TPGS2: variants seen among roughly 807,000 people sequenced by gnomAD.
The protein encoded by TPGS2 is polyglutamylase subunit 2.
In TPGS2, 26 loss-of-function variants were observed where a neutral mutation model predicts 31.1. That is an observed-to-expected ratio of 0.84 (90% confidence interval 0.61 to 1.16). TPGS2 has a LOEUF of 1.16. Among genes scored for constraint, TPGS2 ranks in the 50% most tolerant of loss-of-function variants. TPGS2 has a pLI of 0.00. For missense variants in TPGS2, 351 were observed against 363.8 expected (o/e 0.96, Z 0.29); for synonymous variants, 130 against 136.6 (o/e 0.95, Z 0.34).
At chr18:36,825,298 G>C (rs1273387250) in intron 1 of TPGS2, among the ~76,000 whole-genome samples, 2 of 152,014 alleles carry the variant, frequency 1.3e-5, no homozygotes, top group Non-Finnish European at 2.9e-5. Context: ...CAGGCGTGGT[G>C]GTGGGCGCCT....
chr18:36,820,829 T>C (rs776731811), intron 1 of TPGS2: 5 of 152,222 alleles, frequency 3.3e-5, no homozygotes, highest in Non-Finnish European at 5.9e-5. Flanking sequence ...TCTTGGCCTA[T>C]CAAGATGCCA....
intron 1 of TPGS2, 101 bp downstream of exon 1, chr18:36,828,582 T>C: frequency 7.6e-7 from 1 of 1,321,796 alleles, no homozygotes; most frequent in African/African-American, 1.4e-5. Context: ...TGTCCACTCC[T>C]GTTCTGGGGC....
chr18:36,821,404 A>G (rs747226685), intron 1 of TPGS2, among the ~76,000 whole-genome samples: 27 of 152,180 alleles, frequency 1.8e-4, no homozygotes, highest in Non-Finnish European at 2.9e-5. Context: ...AATCCACAGA[A>G]CTGGGAGAGA....
intron 6 of TPGS2, among the ~76,000 whole-genome samples, chr18:36,785,169 T>G (rs1356005288): frequency 6.6e-6 from 1 of 152,056 alleles, no homozygotes; most frequent in Non-Finnish European, 1.5e-5. Context: ...CGTGGTGGCA[T>G]GCACCTGTAA....
At position 36,800,217 on chromosome 18, in the gene TPGS2, G is replaced by A. The variant is rs761209946; in HGVS notation, c.477C>T (p.Val159=). ...SCNGSGKVCL[V]YKSGKPALAE... ...TCTTACCTGGTTTCCCACTTTTGTAGACAAGGCAAACTTTCCCACTGCCAT... is the reference window on the plus strand; with the variant it reads ...TCTTACCTGGTTTCCCACTTTTGTAAACAAGGCAAACTTTCCCACTGCCAT... Residue 159 remains valine (V), a synonymous_variant, in exon 5 of 7, where the codon GTC becomes GTT. Coordinates refer to ENST00000334295, the MANE Select transcript of TPGS2 (RefSeq NM_015476.4). 6 of 1,614,074 alleles carry A rather than the reference G, an allele frequency of 3.7e-6. No individual in the cohort carries two copies. The highest frequency in any genetic ancestry group is 5.1e-6 in the Non-Finnish European group (6 of 1,179,962).
intron 2 of TPGS2, among the ~76,000 whole-genome samples, chr18:36,811,236 T>C (rs930023089): frequency 6.6e-6 from 1 of 152,150 alleles, no homozygotes; most frequent in African/African-American, 2.4e-5. Context: ...TGTGGAGGGA[T>C]GGTGTGAGAT....
At position 36,796,121 on chromosome 18, in the gene TPGS2, G is replaced by A. The variant is rs1257205227; in HGVS notation, c.*684C>T. The stretch of plus-strand genomic sequence containing the variant: ...AAGCTGCAAAAGAAATGAGCAGAGC[G>A]AGATATTTGTGGTAAGGGATACAAA... On this transcript the variant is annotated 3_prime_UTR_variant, in exon 7 of 7. Transcript: ENST00000334295. 7.1e-6 allele frequency: 7 copies of A among 985,294 alleles called. No individual in the cohort carries two copies. In the East Asian group the frequency reaches 7.9e-4, roughly 112 times the overall value. The allele number at this position is 985,294 out of a possible 1,614,324, so 61.0% of individuals were successfully genotyped here.
At chr18:36,823,702 T>C (rs1265106) in intron 1 of TPGS2, 103,797 of 294,756 alleles carry the variant, frequency 0.35, 20,367 homozygotes, top group African/African-American at 0.61. Flanking sequence ...CCTCGTGATC[T>C]GCCCGCCTCG....
chr18:36,787,268 T>C (rs895454800), intron 6 of TPGS2, among the ~76,000 whole-genome samples: 1 of 152,236 alleles, frequency 6.6e-6, no homozygotes, highest in African/African-American at 2.4e-5. Context: ...GACTATTCAG[T>C]TGGCCCAGCT....
chr18:36,804,893 C>T (rs1229927672), intron 4 of TPGS2, among the ~76,000 whole-genome samples: 1 of 152,128 alleles, frequency 6.6e-6, no homozygotes, highest in African/African-American at 2.4e-5. Flanking sequence ...TTTTTCCTGA[C>T]AGGAAAAGCC....
intron 6 of TPGS2, chr18:36,787,184 G>C: frequency 8.5e-7 from 1 of 1,175,632 alleles, no homozygotes; most frequent in South Asian, 4.5e-5. Context: ...TGAGCCACAA[G>C]GTAATAGGGG....
At chr18:36,797,487 C>T (rs2044587927) in intron 6 of TPGS2, among the ~76,000 whole-genome samples, 1 of 149,216 alleles carries the variant, frequency 6.7e-6, no homozygotes, top group Non-Finnish European at 1.5e-5. Context: ...CTGAGGGATG[C>T]TGTATCTTGT....
chr18:36,802,269 G>A (rs1568008053), intron 4 of TPGS2, among the ~76,000 whole-genome samples: 1 of 152,174 alleles, frequency 6.6e-6, no homozygotes, highest in South Asian at 2.1e-4. Context: ...TGCTGACTGA[G>A]GTCTGCCCTC....
intron 6 of TPGS2, among the ~76,000 whole-genome samples, chr18:36,787,686 C>T (rs114244897): frequency 7.7e-4 from 118 of 152,300 alleles, no homozygotes; most frequent in African/African-American, 2.8e-3. Context: ...ACTCAGCACA[C>T]AGCAGCAGGT....
At chr18:36,812,975 T>G (rs1273843061) in intron 2 of TPGS2, among the ~76,000 whole-genome samples, 1 of 152,184 alleles carries the variant, frequency 6.6e-6, no homozygotes, top group Non-Finnish European at 1.5e-5. Flanking sequence ...CAGTGTGTGT[T>G]TTTTCTACTC....
At chr18:36,821,134 A>G (rs1040123444) in intron 1 of TPGS2, 1 of 152,184 alleles carries the variant, frequency 6.6e-6, no homozygotes, top group South Asian at 2.1e-4. Context: ...CTTGCCCTAT[A>G]AAATATTGTG....
rs116756298 is a variant in TPGS2, at chr18:36,785,334, A to C, written c.658-2203T>G. ...TCCTGAACGCTGAAAATTTTGTTCA[A>C]GGTTGGCAGTCATGTACAAATTTCT... On this transcript the variant is annotated intron_variant, in intron 6 of 6. Transcript: ENST00000587129. 6.4e-3 allele frequency among the ~76,000 whole-genome samples: 973 copies of C among 152,314 alleles called. 14 individuals carry two copies. Among genetic ancestry groups the C allele is most frequent in the African/African-American group, 0.022 (900 of 41,560 alleles).
chr18:36,823,900 T>C lies in TPGS2; in HGVS notation c.85+4783A>G, dbSNP rs533393039. 2.9e-5 allele frequency: 28 copies of C among 974,534 alleles called. No individual in the cohort carries two copies. In the South Asian group the frequency reaches 1.2e-3, roughly 41 times the overall value. 60.4% of individuals were successfully genotyped at this position (974,534 alleles called of 1,614,324 possible). A position where few individuals can be genotyped will look rare whatever the true frequency, so the allele number is the denominator to read the frequency against. On this transcript the variant is annotated intron_variant, in intron 1 of 6. Coordinates refer to ENST00000334295, the MANE Select transcript of TPGS2 (RefSeq NM_015476.4). ...TGGATTAGAGTAGGAATTCTAATAG[T>C]ACCGTGTTTAGAATTCCTTTTTAAA...
At chr18:36,804,499 T>C (rs1441002423) in intron 4 of TPGS2, among the ~76,000 whole-genome samples, 1 of 152,182 alleles carries the variant, frequency 6.6e-6, no homozygotes, top group Non-Finnish European at 1.5e-5. Context: ...ACAGGCTCTT[T>C]CCAGGGCCCA....
Sources: allele counts gnomAD v4.1 joint callset (sites outside exome capture counted in the v4.1 genomes callset), GRCh38; gene constraint gnomAD v4.1.1; transcripts MANE v1.5; gene names NCBI Gene and HGNC (gene_info 2026-07-23, HGNC 2026-07-21).